The following DNAH5 variants were observed in gnomAD, a reference collection of about 807,000 sequenced individuals.
DNAH5 encodes axonemal beta dynein heavy chain 5.
DNAH5 carries 372 observed loss-of-function variants against 518.2 expected under a neutral mutation model. That is an observed-to-expected ratio of 0.72 (90% confidence interval 0.66 to 0.78). DNAH5 has a LOEUF of 0.78. Ranked by LOEUF, DNAH5 falls within the 30% of genes least tolerant of loss-of-function variation. DNAH5 has a pLI of 0.00. For missense variants in DNAH5, 5,523 were observed against 5,687.0 expected, an observed-to-expected ratio of 0.97 and a Z score of 0.93; for synonymous variants, 2,039 against 2,025.9, an observed-to-expected ratio of 1.01 and a Z score of -0.17.
At chr5:13,937,254 C>A (rs775580966) in intron 1 of DNAH5, among the ~76,000 whole-genome samples, 3 of 149,026 alleles carry the variant, frequency 2.0e-5, no homozygotes, top group Non-Finnish European at 4.4e-5. Context: ...ATGCGCTTAA[C>A]AGTTATCTAG....
intron 47 of DNAH5, among the ~76,000 whole-genome samples, chr5:13,797,361 A>G (rs1051554049): frequency 4.6e-5 from 7 of 152,184 alleles, no homozygotes; most frequent in Non-Finnish European, 7.4e-5. Context: ...ACAAGAAAAA[A>G]CAAACAAACA....
chr5:13,796,874 C>T (rs1253104262), intron 47 of DNAH5, among the ~76,000 whole-genome samples: 1 of 152,150 alleles, frequency 6.6e-6, no homozygotes, highest in East Asian at 1.9e-4. Context: ...TGGAACAGAA[C>T]AGAGGCCTCA....
chr5:13,971,048 T>A (rs1001860339), intron 1 of DNAH5, among the ~76,000 whole-genome samples: 2 of 152,146 alleles, frequency 1.3e-5, no homozygotes, highest in East Asian at 3.9e-4. Flanking sequence ...GCTCTGAAGT[T>A]CTTTCTTCTA....
At chr5:13,921,099 T>A (rs916596054) in intron 5 of DNAH5, among the ~76,000 whole-genome samples, 1 of 152,190 alleles carries the variant, frequency 6.6e-6, no homozygotes, top group African/African-American at 2.4e-5. Context: ...TTAAAAAAAA[T>A]TTTCAACATG....
intron 1 of DNAH5, among the ~76,000 whole-genome samples, chr5:13,939,009 T>C (rs16902959): frequency 0.24 from 36,712 of 152,126 alleles, 4,952 homozygotes; most frequent in East Asian, 0.6. Flanking sequence ...CCAAATGGTT[T>C]AGTTCTCCTA....
At position 13,758,890 on chromosome 5, in the gene DNAH5, C is replaced by A. The variant is rs751500950; in HGVS notation, c.10375G>T (p.Asp3459Tyr). The change falls in exon 61 of 79, where the codon GAC becomes TAC. Residue 3459 changes from aspartate (D) to tyrosine (Y), a missense_variant. Asp to Tyr is a radical substitution (Grantham distance 160). This residue lies in a region of DNAH5 where 5,121 missense variants were observed against 5,223.3 expected (regional missense o/e 0.98). Coordinates refer to ENST00000265104, the MANE Select transcript of DNAH5 (RefSeq NM_001369.3). ...AELDDKQAEL[D>Y]VVQAEYEQAM... ...TGTTCATACTCAGCCTGCACCACGT[C>A]AAGTTCCGCCTGCTTGTCATCCAAC... is the stretch of plus-strand genomic sequence containing the variant. The A allele has an allele frequency of 1.9e-6, 3 of 1,614,204 alleles. No homozygotes were observed. The highest frequency in any genetic ancestry group is 2.7e-5 in the African/African-American group (2 of 75,064).
rs773382166 is a variant in DNAH5, at chr5:13,810,067, G to A, written c.7601C>T (p.Ala2534Val). 2.1e-5 allele frequency: 32 copies of A among 1,552,306 alleles called. No individual in the cohort carries two copies. Among genetic ancestry groups the A allele is most frequent in the African/African-American group, 4.1e-5 (3 of 73,148 alleles). The part of the protein sequence containing the change: ...PGDTAFDYYV[A>V]PDGTWTHWNT... ...CGGGCAGGTGTCCTCACCATCGGGCGCCACATAGTAGTCGAAGGCGGTGTC... is the reference window on the plus strand; with the variant it reads ...CGGGCAGGTGTCCTCACCATCGGGCACCACATAGTAGTCGAAGGCGGTGTC... Residue 2534 changes from alanine to valine, a missense_variant, in exon 45 of 79, where the codon GCG becomes GTG. By Grantham distance (64) the Ala-to-Val change is moderately conservative. Transcript: ENST00000265104.
At chr5:13,754,146 T>G in intron 62 of DNAH5, 57 bp downstream of exon 62, 1 of 1,605,106 alleles carries the variant, frequency 6.2e-7, no homozygotes, top group East Asian at 2.2e-5. Flanking sequence ...AAGTATAAGC[T>G]TTCGAATTCC....
At chr5:13,804,595 T>G (rs1052872723) in intron 47 of DNAH5, among the ~76,000 whole-genome samples, 1 of 152,208 alleles carries the variant, frequency 6.6e-6, no homozygotes, top group Non-Finnish European at 1.5e-5. Context: ...AAATCCCTGA[T>G]GCTCCACAGT....
At chr5:13,970,804 T>G (rs910544382) in intron 1 of DNAH5, among the ~76,000 whole-genome samples, 1 of 152,236 alleles carries the variant, frequency 6.6e-6, no homozygotes, top group Non-Finnish European at 1.5e-5. Flanking sequence ...GGATGTTCTT[T>G]GAGCTTCTTT....
At chr5:13,827,263 C>G (rs1447198719) in intron 38 of DNAH5, among the ~76,000 whole-genome samples, 2 of 152,090 alleles carry the variant, frequency 1.3e-5, no homozygotes, top group Non-Finnish European at 2.9e-5. Context: ...ATTAAGCCAG[C>G]TGCATAAATT....
intron 1 of DNAH5, among the ~76,000 whole-genome samples, chr5:13,938,322 C>A (rs1358506658): frequency 6.6e-6 from 1 of 152,106 alleles, no homozygotes; most frequent in Non-Finnish European, 1.5e-5. Context: ...ATTCACCTCA[C>A]TTCATCTCAT....
Position 13,700,695 on chromosome 5 carries a change from C to T in DNAH5, c.13668G>A (p.Lys4556=). Residue 4556 remains lysine (K), a synonymous_variant, in exon 78 of 79, where the codon AAG becomes AAA. Transcript: ENST00000265104. The stretch of plus-strand genomic sequence containing the variant: ...GCATCAACTCAAAGAGCACTTTTGG[C>T]TTTGATTCAATGAGTTTCATGTTCC... ...DKRNMKLIES[K]PKVLFELMPV... is the part of the protein sequence containing the mutation. The T allele has an allele frequency of 1.9e-6, 3 of 1,614,158 alleles. No individual in the cohort carries two copies. The highest frequency in any genetic ancestry group is 2.5e-6 in the Non-Finnish European group (3 of 1,179,996).
intron 35 of DNAH5, among the ~76,000 whole-genome samples, chr5:13,833,441 C>CAA (rs1763958213): frequency 1.5e-5 from 1 of 66,154 alleles, no homozygotes. Flanking sequence ...AGACTCCTTC[C>CAA]CAAAAAAAAA....
At chr5:13,818,354 T>C (rs1182639848) in intron 41 of DNAH5, among the ~76,000 whole-genome samples, 1 of 152,204 alleles carries the variant, frequency 6.6e-6, no homozygotes, top group Admixed American at 6.5e-5. Flanking sequence ...ATCCCAGCAC[T>C]TTGGGGGGCC....
intron 1 of DNAH5, among the ~76,000 whole-genome samples, chr5:13,996,796 G>A (rs1440577892): frequency 1.3e-5 from 2 of 152,234 alleles, no homozygotes; most frequent in Non-Finnish European, 2.9e-5. Flanking sequence ...TTAGGCTGGG[G>A]TTGCACACTG....
At chr5:13,741,395 G>C (rs1225666304) in intron 65 of DNAH5, among the ~76,000 whole-genome samples, 1 of 152,004 alleles carries the variant, frequency 6.6e-6, no homozygotes, top group Non-Finnish European at 1.5e-5. Flanking sequence ...AATTCTTTAA[G>C]ATGTAGCAAC....
chr5:13,809,240 T>C, intron 45 of DNAH5, 54 bp from the exon 46 acceptor site: 1 of 1,600,328 alleles, frequency 6.2e-7, no homozygotes, highest in Non-Finnish European at 8.6e-7. Context: ...AACTCCGAAC[T>C]GTAATGAGCA....
intron 1 of DNAH5, among the ~76,000 whole-genome samples, chr5:13,994,321 G>A (rs76944037): frequency 1.3e-5 from 2 of 152,072 alleles, no homozygotes; most frequent in South Asian, 2.1e-4. Context: ...CCCCAAAAAG[G>A]AATTTTGCCG....
Sources: allele counts gnomAD v4.1 joint callset (sites outside exome capture counted in the v4.1 genomes callset), GRCh38; gene constraint gnomAD v4.1.1; regional missense constraint gnomAD v4.1.1; transcripts MANE v1.5; gene names NCBI Gene and HGNC (gene_info 2026-07-23, HGNC 2026-07-21).